The following SLC35F2 variants were observed in gnomAD, a reference collection of about 807,000 sequenced individuals.
SLC35F2 encodes solute carrier family 35 member F2, also known as queuine/queuosine transporter SLC35F2.
A neutral mutation model predicts 38.1 loss-of-function variants in SLC35F2; 25 were observed. That is an observed-to-expected ratio of 0.66 (90% CI 0.48 to 0.92). The LOEUF (loss-of-function observed/expected upper bound fraction) is 0.92. SLC35F2 is among the 40% of genes least tolerant of loss of function. SLC35F2 has a pLI of 0.00. For missense variants in SLC35F2, 409 were observed against 452.9 expected, an observed-to-expected ratio of 0.90 and a Z score of 0.88; for synonymous variants, 173 against 181.7, an observed-to-expected ratio of 0.95 and a Z score of 0.38.
chr11:107,832,042 T>A (rs1859851681), intron 1 of SLC35F2, among the ~76,000 whole-genome samples: 1 of 138,674 alleles, frequency 7.2e-6, no homozygotes, highest in African/African-American at 3.0e-5. Flanking sequence ...GGCAAAATAT[T>A]TTTTTTTTCT....
At chr11:107,823,926 C>CAAAAAAAAAAAAAAAAAA (rs58357861) in intron 1 of SLC35F2, 1 of 604,132 alleles carries the variant, frequency 1.7e-6, no homozygotes. Flanking sequence ...AAGACAGTCT[C>CAAAAAAAAAAAAAAAAAA]AAAAAAAAAA....
chr11:107,853,719 CAAA>C (rs67932834), intron 1 of SLC35F2, among the ~76,000 whole-genome samples: 6 of 68,158 alleles, frequency 8.8e-5, no homozygotes, highest in East Asian at 3.8e-4. Context: ...GACTCCGTCT[CAAA>C]AAAAAAAAAA....
chr11:107,831,831 G>A (rs1181281911), intron 1 of SLC35F2, among the ~76,000 whole-genome samples: 2 of 152,112 alleles, frequency 1.3e-5, no homozygotes, highest in Admixed American at 1.3e-4. Context: ...AAAGAGAACT[G>A]GAAAATTCTG....
chr11:107,850,973 C>T (rs1310290362), intron 1 of SLC35F2, among the ~76,000 whole-genome samples: 1 of 151,950 alleles, frequency 6.6e-6, no homozygotes, highest in African/African-American at 2.4e-5. Flanking sequence ...CATGGTGAAA[C>T]CCTGTCTTTA....
intron 2 of SLC35F2, among the ~76,000 whole-genome samples, chr11:107,813,670 T>C (rs1042529776): frequency 3.3e-5 from 5 of 151,906 alleles, no homozygotes; most frequent in African/African-American, 4.8e-5. Flanking sequence ...CCAACTCTTC[T>C]TTTTTTTCCT....
chr11:107,819,394 G>A (rs1014924944), intron 1 of SLC35F2, among the ~76,000 whole-genome samples: 1 of 152,168 alleles, frequency 6.6e-6, no homozygotes, highest in Non-Finnish European at 1.5e-5. Flanking sequence ...GTTACTGGAG[G>A]AAATTTTCAC....
chr11:107,816,335 G>A, intron 1 of SLC35F2: 4 of 966,988 alleles, frequency 4.1e-6, no homozygotes, highest in Non-Finnish European at 4.9e-6. Context: ...AGGCTAGAGT[G>A]CAGTGGTGCA....
intron 1 of SLC35F2, among the ~76,000 whole-genome samples, chr11:107,822,807 C>T (rs1391775460): frequency 1.3e-5 from 2 of 151,992 alleles, no homozygotes; most frequent in Non-Finnish European, 2.9e-5. Flanking sequence ...AGAAGGAAAG[C>T]TCAAGATGTC....
intron 1 of SLC35F2, among the ~76,000 whole-genome samples, chr11:107,839,812 C>A (rs2134839634): frequency 6.6e-6 from 1 of 152,154 alleles, no homozygotes; most frequent in East Asian, 1.9e-4. Flanking sequence ...CGCCACCACG[C>A]CTGGCTAATT....
intron 3 of SLC35F2, chr11:107,810,658 T>C (rs190481446): frequency 1.1e-5 from 11 of 985,414 alleles, no homozygotes; most frequent in Middle Eastern, 5.2e-4. Flanking sequence ...TCTCAGCTTT[T>C]TAACCCATAC....
intron 1 of SLC35F2, among the ~76,000 whole-genome samples, chr11:107,845,440 G>C (rs1452015086): frequency 6.6e-6 from 1 of 151,810 alleles, no homozygotes; most frequent in Admixed American, 6.6e-5. Context: ...AGGATTGCTT[G>C]AGCCTAGGAA....
chr11:107,826,191 T>TA (rs1307588197), intron 1 of SLC35F2, among the ~76,000 whole-genome samples: 1 of 152,128 alleles, frequency 6.6e-6, no homozygotes, highest in Non-Finnish European at 1.5e-5. Context: ...ATACCTTTTT[T>TA]AAAAAGGAAG....
intron 1 of SLC35F2, among the ~76,000 whole-genome samples, chr11:107,844,993 A>G (rs1474709104): frequency 1.3e-5 from 2 of 151,898 alleles, no homozygotes; most frequent in Admixed American, 6.6e-5. Context: ...AAAAAAAAAA[A>G]AAGAATTACA....
intron 7 of SLC35F2, among the ~76,000 whole-genome samples, chr11:107,795,304 TA>T (rs1405362223): frequency 6.6e-6 from 1 of 152,128 alleles, no homozygotes; most frequent in African/African-American, 2.4e-5. Flanking sequence ...TCTCACCATA[TA>T]AAAAAATCAA....
Position 107,854,019 on chromosome 11 carries a change from T to C in SLC35F2, c.110+4639A>G, listed in dbSNP as rs536755371. Among the ~76,000 whole-genome samples, 26 of 152,054 alleles carry C rather than the reference T, an allele frequency of 1.7e-4. No individual in the cohort carries two copies. The East Asian group carries it at 5.0e-3, about 29-fold the overall frequency. ...ATTGCTTGAGCCCAGGAGTTCAAGA[T>C]CAGCCTGAGTGACAAAGCAAGATTT... On this transcript the variant is annotated intron_variant, in intron 1 of 7. Coordinates refer to ENST00000525815, the MANE Select transcript of SLC35F2 (RefSeq NM_017515.5).
intron 1 of SLC35F2, among the ~76,000 whole-genome samples, chr11:107,828,660 A>G (rs1370590559): frequency 6.6e-6 from 1 of 152,176 alleles, no homozygotes; most frequent in Non-Finnish European, 1.5e-5. Flanking sequence ...TTAAGATGGG[A>G]TGACAAATAA....
intron 1 of SLC35F2, among the ~76,000 whole-genome samples, chr11:107,843,889 ATATATATATATATATATATG>A (rs1440989771): frequency 1.4e-4 from 16 of 112,942 alleles, no homozygotes; most frequent in African/African-American, 5.5e-4. Context: ...ATATATATAT[ATATATATATATATATATATG>A]TATATTAATT....
chr11:107,848,572 C>T (rs1860131402), intron 1 of SLC35F2, among the ~76,000 whole-genome samples: 1 of 152,154 alleles, frequency 6.6e-6, no homozygotes, highest in East Asian at 1.9e-4. Context: ...CATGTGAGGA[C>T]ACAGAAAGAA....
At chr11:107,827,676 G>C (rs1300206100) in intron 1 of SLC35F2, among the ~76,000 whole-genome samples, 1 of 151,604 alleles carries the variant, frequency 6.6e-6, no homozygotes, top group East Asian at 2.0e-4. Context: ...TAGAACCCAG[G>C]AGGCAGTGGT....
Sources: allele counts gnomAD v4.1 joint callset (sites outside exome capture counted in the v4.1 genomes callset), GRCh38; gene constraint gnomAD v4.1.1; transcripts MANE v1.5; gene names NCBI Gene and HGNC (gene_info 2026-07-23, HGNC 2026-07-21).